Variants in IGF2R observed in about 807,000 individuals in gnomAD.
IGF2R encodes cation-independent mannose-6-phosphate receptor.
A neutral mutation model predicts 270.6 loss-of-function variants in IGF2R; 91 were observed. The ratio of observed to expected loss-of-function variants is 0.34; its 90% confidence interval spans 0.28 to 0.40. The LOEUF (loss-of-function observed/expected upper bound fraction) is 0.40. Among genes scored for constraint, IGF2R ranks in the 10% least tolerant of loss-of-function variants. The pLI, the probability that IGF2R is intolerant of heterozygous loss-of-function variation, is 1.00. For synonymous variants in IGF2R, 1,316 were observed against 1,258.9 expected (o/e 1.05, Z -0.96); for missense variants, 2,805 against 3,188.3 (o/e 0.88, Z 2.90).
chr6:160,063,846 G>T (rs1019254606), intron 27 of IGF2R, among the ~76,000 whole-genome samples: 1 of 151,780 alleles, frequency 6.6e-6, no homozygotes, highest in African/African-American at 2.4e-5. Context: ...TTTATTCTTA[G>T]TTAGCCATGC....
Position 160,044,566 on chromosome 6 carries a change from G to T in IGF2R, c.1674G>T (p.Glu558Asp). Reference sequence around the variant, plus strand: ...AATTTATTTCCTCTCCCATGAAAGAGAAAGGAAACATTCAACTCTCTTATT... The same window carrying T: ...AATTTATTTCCTCTCCCATGAAAGATAAAGGAAACATTCAACTCTCTTATT... ...LGKFISSPMKEKGNIQLSYSD... is the reference protein window; with the variant it reads ...LGKFISSPMKDKGNIQLSYSD... Residue 558 changes from glutamate (E) to aspartate (D), a missense_variant, in exon 13 of 48, where the codon GAG (glutamate) becomes GAT (aspartate). Glu to Asp is a conservative substitution (Grantham distance 45). This residue lies in a region of IGF2R where 954 missense variants were observed against 981.1 expected (regional missense o/e 0.97). Coordinates refer to ENST00000356956, the MANE Select transcript of IGF2R (RefSeq NM_000876.4). The T allele has an allele frequency of 1.9e-6, 3 of 1,608,874 alleles. No homozygotes were observed. Among genetic ancestry groups the T allele is most frequent in the Non-Finnish European group, 2.6e-6 (3 of 1,176,442 alleles).
intron 25 of IGF2R, 58 bp downstream of exon 25, chr6:160,061,986 C>T: frequency 6.7e-7 from 1 of 1,493,288 alleles, no homozygotes; most frequent in Non-Finnish European, 9.3e-7. Flanking sequence ...TTCCCATTTC[C>T]CTTGAACCTC....
At position 160,062,461 on chromosome 6, in the gene IGF2R, C is replaced by A. The variant is rs545900975; in HGVS notation, c.3583-71C>A. On this transcript the variant is annotated intron_variant, in intron 25 of 47. Coordinates refer to ENST00000356956, the MANE Select transcript of IGF2R (RefSeq NM_000876.4). ...TGCTGAGATTACAGGTGTGAGCCAC[C>A]GTGCCCGGCCCCATTTGATTAATTT... 7 of 1,209,184 alleles carry A rather than the reference C, an allele frequency of 5.8e-6. No individual in the cohort carries two copies. The South Asian group carries it at 7.3e-5, about 13-fold the overall frequency. 74.9% of individuals were successfully genotyped at this position (1,209,184 alleles called of 1,614,324 possible). A position where few individuals can be genotyped will look rare whatever the true frequency, so the allele number is the denominator to read the frequency against.
chr6:160,055,143 C>T (rs576666829), intron 19 of IGF2R, among the ~76,000 whole-genome samples: 8 of 152,280 alleles, frequency 5.3e-5, no homozygotes, highest in South Asian at 2.1e-4. Flanking sequence ...CCGCCCACTT[C>T]TTCTCTCAGT....
intron 9 of IGF2R, 79 bp downstream of exon 9, chr6:160,033,186 G>A: frequency 2.0e-6 from 2 of 984,930 alleles, no homozygotes; most frequent in Non-Finnish European, 3.1e-6. Flanking sequence ...GCCCAGGCTA[G>A]ACTGCAGTGG....
chr6:160,042,652 AG>A (rs1412914672), intron 11 of IGF2R, among the ~76,000 whole-genome samples: 1 of 152,172 alleles, frequency 6.6e-6, no homozygotes, highest in Non-Finnish European at 1.5e-5. Flanking sequence ...CTTCTGTGGT[AG>A]CATGCATTGC....
chr6:160,100,717 A>T (rs147984890), intron 45 of IGF2R, among the ~76,000 whole-genome samples: 1 of 103,764 alleles, frequency 9.6e-6, no homozygotes, highest in Non-Finnish European at 2.0e-5. Context: ...GCAAGTCAGC[A>T]ATTTCCCTTT....
intron 25 of IGF2R, 35 bp from the exon 26 acceptor site, chr6:160,062,497 C>T (rs1778462233): frequency 1.3e-6 from 2 of 1,532,158 alleles, no homozygotes; most frequent in East Asian, 2.3e-5. Flanking sequence ...TTAAAATAAA[C>T]AGGAAACAAA....
At chr6:160,083,144 G>T (rs1375033577) in intron 39 of IGF2R, among the ~76,000 whole-genome samples, 1 of 152,194 alleles carries the variant, frequency 6.6e-6, no homozygotes, top group Non-Finnish European at 1.5e-5. Flanking sequence ...GGAGAGCAGG[G>T]TGATGATAAG....
At position 160,047,355 on chromosome 6, in the gene IGF2R, C is replaced by T. The variant is rs566389974; in HGVS notation, c.2229+19C>T. On this transcript the variant is annotated intron_variant, in intron 16 of 47. Coordinates refer to ENST00000356956, the MANE Select transcript of IGF2R (RefSeq NM_000876.4). ...ATATCAGGTAGGAATGTTTGTTCCT[C>T]ATCGCGCTCCCTGAGGATACTCATG... 5.8e-6 allele frequency: 9 copies of T among 1,550,866 alleles called. No homozygotes were observed. The highest frequency in any genetic ancestry group is 1.8e-4 in the Middle Eastern group (1 of 5,670).
intron 1 of IGF2R, among the ~76,000 whole-genome samples, chr6:159,979,346 T>A (rs1783743688): frequency 6.6e-6 from 1 of 152,132 alleles, no homozygotes; most frequent in Non-Finnish European, 1.5e-5. Flanking sequence ...GCTAAAGTAG[T>A]GAGTTTCCTA....
Position 160,102,372 on chromosome 6 carries a change from G to A in IGF2R, c.6843-147G>A, listed in dbSNP as rs1461098376. The A allele has an allele frequency of 2.3e-6, 2 of 871,678 alleles. No individual in the cohort carries two copies. The highest frequency in any genetic ancestry group is 3.6e-6 in the Non-Finnish European group (2 of 553,168). 54.0% of individuals were successfully genotyped at this position (871,678 alleles called of 1,614,324 possible). A position where few individuals can be genotyped will look rare whatever the true frequency, so the allele number is the denominator to read the frequency against. On this transcript the variant is annotated intron_variant, in intron 45 of 47. Transcript: ENST00000356956. This position sits in a 1 kb window ranked among gnomAD's most constrained non-coding sequence, Gnocchi z 4.5. The stretch of plus-strand genomic sequence containing the variant: ...CCCTCTTCCATGTGGAGTGGGACTT[G>A]TGGCCTTGTTTTCTGGGCAGGAGTA...
In IGF2R at chr6:160,107,921, A is replaced by C. The variant is rs1779657058; in HGVS notation, c.*2837A>C. ...TCTTCCCATCACCAGGCATTCCTAC[A>C]AACAAGGACCTTCACACGACTAAGA... On this transcript the variant is annotated 3_prime_UTR_variant, in exon 48 of 48. Transcript: ENST00000356956. 1 of 152,248 alleles carries C rather than the reference A, an allele frequency of 6.6e-6. No individual in the cohort carries two copies. Among genetic ancestry groups the C allele is most frequent in the South Asian group, 2.1e-4 (1 of 4,834 alleles). The allele number at this position is 152,248 out of a possible 1,614,324, so 9.4% of individuals were successfully genotyped here.
intron 10 of IGF2R, among the ~76,000 whole-genome samples, chr6:160,037,585 G>A (rs991564332): frequency 6.6e-6 from 1 of 152,094 alleles, no homozygotes; most frequent in Non-Finnish European, 1.5e-5. Flanking sequence ...CGCATCTTTT[G>A]GTCATAATAT....
rs1779630859 is a variant in IGF2R, at chr6:160,106,791, G to C, written c.*1707G>C. 1 of 152,140 alleles carries C rather than the reference G, an allele frequency of 6.6e-6. No individual in the cohort carries two copies. Among genetic ancestry groups the C allele is most frequent in the African/African-American group, 2.4e-5 (1 of 41,408 alleles). The allele number at this position is 152,140 out of a possible 1,614,324, so 9.4% of individuals were successfully genotyped here. ...AGATCCGATTTCTTTACCTTCTCCA[G>C]GCCAACCTCGGGGTGTGGTCCTGTT... is the stretch of plus-strand genomic sequence containing the variant. On this transcript the variant is annotated 3_prime_UTR_variant, in exon 48 of 48. Transcript: ENST00000356956.
At chr6:159,992,427 C>G (rs7755823) in intron 2 of IGF2R, among the ~76,000 whole-genome samples, 2,125 of 152,100 alleles carry the variant, frequency 0.014, 50 homozygotes, top group African/African-American at 0.049. Flanking sequence ...CCATGTGTAC[C>G]TATTATTTAG....
Position 160,091,640 on chromosome 6 carries a change from G to C in IGF2R, c.6655+1537G>C, listed in dbSNP as rs145912827. Among the ~76,000 whole-genome samples, 12 of 152,356 alleles carry C rather than the reference G, an allele frequency of 7.9e-5. 1 individual carries two copies. In the East Asian group the frequency reaches 2.1e-3, roughly 27 times the overall value. ...CTCCACAGCACGGAGCTAGCACTCT[G>C]TGTTTCTCTGTTCTCTGCCTTCCTC... On this transcript the variant is annotated intron_variant, in intron 44 of 47. Coordinates refer to ENST00000356956, the MANE Select transcript of IGF2R (RefSeq NM_000876.4).
At chr6:160,043,111 T>C (rs760535763) in intron 11 of IGF2R, 37 bp from the exon 12 acceptor site, 4 of 1,609,070 alleles carry the variant, frequency 2.5e-6, no homozygotes, top group Non-Finnish European at 3.4e-6. Flanking sequence ...GAAATCAGCA[T>C]TGCTTTTGGC....
At chr6:159,988,869 G>T in intron 1 of IGF2R, among the ~76,000 whole-genome samples, 1 of 152,146 alleles carries the variant, frequency 6.6e-6, no homozygotes, top group Non-Finnish European at 1.5e-5. Context: ...CCCGCAGTAA[G>T]TACTTAAGAA....
Sources: gnomAD v4.1 joint callset for allele counts (sites outside exome capture counted in the v4.1 genomes callset) on GRCh38, gnomAD v4.1.1 for gene constraint, gnomAD v4.1.1 regional missense constraint, Gnocchi (gnomAD v3.1) non-coding constraint, MANE v1.5 for transcripts, NCBI Gene and HGNC (gene_info 2026-07-23, HGNC 2026-07-21) for gene names.